EPHA5: variants seen among roughly 807,000 people sequenced by gnomAD.
EPHA5 encodes EPH receptor A5.
A neutral mutation model predicts 105.0 loss-of-function variants in EPHA5; 60 were observed. The observed-to-expected ratio is 0.57, with a 90% CI of 0.46 to 0.71. The LOEUF (loss-of-function observed/expected upper bound fraction) is 0.71, where lower values mean the gene tolerates loss of function less well. EPHA5 is among the 30% of genes least tolerant of loss of function. The pLI is 0.00. For synonymous variants in EPHA5, 513 were observed against 449.1 expected, an observed-to-expected ratio of 1.14 and a Z score of -1.80; for missense variants, 1,218 against 1,274.7, an observed-to-expected ratio of 0.96 and a Z score of 0.68.
intron 3 of EPHA5, among the ~76,000 whole-genome samples, chr4:65,557,233 G>GATATATATAT (rs61008833): frequency 0.024 from 2,172 of 90,852 alleles, 76 homozygotes; most frequent in South Asian, 0.054. Context: ...TTTATACTGG[G>GATATATATAT]ATATATATAT....
Position 65,340,990 on chromosome 4 carries a change from C to A in EPHA5, c.2596-4865G>T, listed in dbSNP as rs138092286. Among the ~76,000 whole-genome samples the A allele has an allele frequency of 2.0e-5, 3 of 152,274 alleles. No individual in the cohort carries two copies. In the East Asian group the frequency reaches 5.8e-4, roughly 30 times the overall value. ...AGCTTGCAACCAATCATCCTTCCTTCCTTCCATCTCTACTGTACCTAGGGA... is the reference window on the plus strand; with the variant it reads ...AGCTTGCAACCAATCATCCTTCCTTACTTCCATCTCTACTGTACCTAGGGA... On this transcript the variant is annotated intron_variant, in intron 14 of 16. Transcript: ENST00000613740.
At chr4:65,539,361 CA>C (rs888180072) in intron 3 of EPHA5, among the ~76,000 whole-genome samples, 33 of 151,366 alleles carry the variant, frequency 2.2e-4, no homozygotes, top group African/African-American at 7.7e-4. Flanking sequence ...TGTTTAAATA[CA>C]ATATTTAGGA....
chr4:65,453,124 T>C (rs190775452), intron 5 of EPHA5, among the ~76,000 whole-genome samples: 1 of 152,320 alleles, frequency 6.6e-6, no homozygotes, highest in African/African-American at 2.4e-5. Flanking sequence ...GCTGTTTTTC[T>C]CTTGAATTTT....
At chr4:65,340,509 A>G (rs368572289) in intron 14 of EPHA5, among the ~76,000 whole-genome samples, 1 of 152,124 alleles carries the variant, frequency 6.6e-6, no homozygotes, top group African/African-American at 2.4e-5. Flanking sequence ...AACCCCAAGA[A>G]TGAGGAATTA....
chr4:65,331,788 T>A, intron 16 of EPHA5, 185 bp downstream of exon 16: 1 of 1,254,902 alleles, frequency 8.0e-7, no homozygotes, highest in Non-Finnish European at 1.0e-6. Context: ...GAAGCAAAGA[T>A]ACTGGCCACA....
chr4:65,482,021 G>C (rs1017544265), intron 5 of EPHA5, among the ~76,000 whole-genome samples: 2 of 152,194 alleles, frequency 1.3e-5, no homozygotes, highest in African/African-American at 4.8e-5. Context: ...AAATAGGCTG[G>C]ATGCAGTGGC....
intron 2 of EPHA5, among the ~76,000 whole-genome samples, chr4:65,639,662 C>A (rs767474680): frequency 1.3e-4 from 20 of 152,108 alleles, no homozygotes; most frequent in Non-Finnish European, 2.6e-4. Context: ...TCCATTAATA[C>A]TTCAAATATT....
At chr4:65,482,864 T>C (rs1730512043) in intron 5 of EPHA5, among the ~76,000 whole-genome samples, 1 of 152,124 alleles carries the variant, frequency 6.6e-6, no homozygotes, top group Non-Finnish European at 1.5e-5. Flanking sequence ...GAGGATCTTT[T>C]TTTTTTATTA....
intron 3 of EPHA5, among the ~76,000 whole-genome samples, chr4:65,536,017 A>T (rs1736248147): frequency 6.6e-6 from 1 of 152,016 alleles, no homozygotes; most frequent in South Asian, 2.1e-4. Context: ...CTTTATAAGA[A>T]CTTTAAAAGT....
chr4:65,421,685 G>C (rs1412120273), intron 5 of EPHA5, among the ~76,000 whole-genome samples: 4 of 152,020 alleles, frequency 2.6e-5, no homozygotes. Context: ...TGAATTGGTG[G>C]TATTACCACC....
intron 3 of EPHA5, among the ~76,000 whole-genome samples, chr4:65,547,158 G>A (rs13120479): frequency 1.2e-4 from 18 of 151,950 alleles, no homozygotes; most frequent in South Asian, 2.1e-4. Flanking sequence ...TGTGAAATGC[G>A]TCACAAACAC....
At chr4:65,627,400 A>G (rs950853885) in intron 2 of EPHA5, among the ~76,000 whole-genome samples, 5 of 152,186 alleles carry the variant, frequency 3.3e-5, no homozygotes, top group African/African-American at 1.2e-4. Flanking sequence ...ATTTAACTTG[A>G]TATTTTCTAG....
chr4:65,612,039 A>AAG lies in EPHA5; in HGVS notation c.247-9736_247-9735insCT, dbSNP rs1553952606. Among the ~76,000 whole-genome samples, 3 of 86,680 alleles carry AAG rather than the reference A, an allele frequency of 3.5e-5. No individual in the cohort carries two copies. In the East Asian group the frequency reaches 6.7e-4, roughly 19 times the overall value. 56.9% of individuals were successfully genotyped at this position (86,680 alleles called of 152,430 possible). A position where few individuals can be genotyped will look rare whatever the true frequency, so the allele number is the denominator to read the frequency against. On this transcript the variant is annotated intron_variant, in intron 2 of 16. Coordinates refer to ENST00000613740, the MANE Select transcript of EPHA5 (RefSeq NM_001281766.3). ...CTCAAAAAAAAAAAAAAAAAAAAAA[A>AAG]GGAAAGAAAAGAAAAGAAAAGAAAA...
At chr4:65,647,080 G>A (rs1033838555) in intron 1 of EPHA5, among the ~76,000 whole-genome samples, 4 of 152,058 alleles carry the variant, frequency 2.6e-5, no homozygotes, top group Non-Finnish European at 5.9e-5. Context: ...TGTAATCCCA[G>A]CACTTTGGGA....
chr4:65,597,977 T>C (rs901221057), intron 3 of EPHA5, among the ~76,000 whole-genome samples: 69 of 152,152 alleles, frequency 4.5e-4, no homozygotes, highest in African/African-American at 1.5e-3. Context: ...CACATAAGCA[T>C]GATATGACAG....
chr4:65,612,422 T>C (rs1744865209), intron 2 of EPHA5, among the ~76,000 whole-genome samples: 1 of 152,220 alleles, frequency 6.6e-6, no homozygotes, highest in Non-Finnish European at 1.5e-5. Flanking sequence ...TGGGAACATC[T>C]GGAATTTGAC....
chr4:65,594,343 C>T, intron 3 of EPHA5, among the ~76,000 whole-genome samples: 1 of 151,636 alleles, frequency 6.6e-6, no homozygotes, highest in South Asian at 2.1e-4. Context: ...ATTAATTCTC[C>T]ATCCATATAA....
chr4:65,364,916 T>C (rs1022191610), intron 11 of EPHA5, 101 bp downstream of exon 11: 7 of 927,068 alleles, frequency 7.6e-6, no homozygotes, highest in African/African-American at 5.1e-5. Flanking sequence ...TTAGAGAAAT[T>C]AATATATTAC....
intron 14 of EPHA5, among the ~76,000 whole-genome samples, chr4:65,347,066 G>A (rs765962495): frequency 4.6e-5 from 7 of 152,202 alleles, no homozygotes; most frequent in Middle Eastern, 3.4e-3. Context: ...GTTAATTACA[G>A]GCATTGTTGT....
Sources: gnomAD v4.1 joint callset for allele counts (sites outside exome capture counted in the v4.1 genomes callset) on GRCh38, gnomAD v4.1.1 for gene constraint, MANE v1.5 for transcripts, NCBI Gene and HGNC (gene_info 2026-07-23, HGNC 2026-07-21) for gene names.